The following IMPDH1 variants were observed in gnomAD, a reference collection of about 807,000 sequenced individuals.
IMPDH1 encodes inosine monophosphate dehydrogenase 1.
IMPDH1 carries 41 observed loss-of-function variants against 73.5 expected under a neutral mutation model. The observed-to-expected ratio is 0.56, with a 90% CI of 0.43 to 0.72. IMPDH1 has a LOEUF of 0.72. Ranked by LOEUF, IMPDH1 falls within the 30% of genes least tolerant of loss-of-function variation. IMPDH1 has a pLI of 0.00. For synonymous variants in IMPDH1, 318 were observed against 334.3 expected, an observed-to-expected ratio of 0.95 and a Z score of 0.53; for missense variants, 645 against 824.8, an observed-to-expected ratio of 0.78 and a Z score of 2.67.
At chr7:128,405,039 C>T (rs932527731) in intron 4 of IMPDH1, among the ~76,000 whole-genome samples, 1 of 152,182 alleles carries the variant, frequency 6.6e-6, no homozygotes, top group Non-Finnish European at 1.5e-5. Flanking sequence ...CCCCACTCTG[C>T]CCCTTCTGAT....
chr7:128,396,856 G>C lies in IMPDH1; in HGVS notation c.1165+76C>G, dbSNP rs1423831687. 3 of 1,242,174 alleles carry C rather than the reference G, an allele frequency of 2.4e-6. No individual in the cohort carries two copies. Among genetic ancestry groups the C allele is most frequent in the African/African-American group, 3.0e-5 (2 of 67,522 alleles). 76.9% of individuals were successfully genotyped at this position (1,242,174 alleles called of 1,614,324 possible). On this transcript the variant is annotated intron_variant, in intron 11 of 16. Transcript: ENST00000338791. This position sits in a 1 kb window ranked among gnomAD's most constrained non-coding sequence, Gnocchi z 4.0. The stretch of plus-strand genomic sequence containing the variant: ...ATGCCAGGAGCCATACCATCACCTA[G>C]GGATGCTGAAGGACAGAAAAGGGTT...
rs1439521543 is a variant in IMPDH1 at position 128,396,130 on chromosome 7, T to C, written c.1261+470A>G. 1.3e-5 allele frequency among the ~76,000 whole-genome samples: 2 copies of C among 152,172 alleles called. No individual in the cohort carries two copies. Among genetic ancestry groups the C allele is most frequent in the Non-Finnish European group, 2.9e-5 (2 of 68,018 alleles). ...CCTCAATAACCACATGGGGGACACA[T>C]GCCAGGCTCCCCCCTTCCCACTTCA... On this transcript the variant is annotated intron_variant, in intron 12 of 16. Transcript: ENST00000338791. The surrounding 1 kb of genome is among the most constrained non-coding windows in gnomAD (Gnocchi z 4.0).
At position 128,395,165 on chromosome 7, in the gene IMPDH1, G is replaced by A. The variant is rs1175282643; in HGVS notation, c.1371C>T (p.His457=). The change falls in exon 13 of 17, where the codon CAC becomes CAT. Residue 457 remains histidine, a synonymous_variant. Coordinates refer to ENST00000338791, the MANE Select transcript of IMPDH1 (RefSeq NM_000883.4). ...IADGGIQTVG[H]VVKALALGAS... ...CTCCAAGGGCCAGGGCCTTGACCAC[G>A]TGTCCCACGGTCTGGATGCCGCCAT... The A allele has an allele frequency of 1.4e-5, 22 of 1,613,908 alleles. No homozygotes were observed. Among genetic ancestry groups the A allele is most frequent in the Non-Finnish European group, 1.6e-5 (19 of 1,180,052 alleles).
chr7:128,396,673 C>T lies in IMPDH1; in HGVS notation c.1188G>A (p.Lys396=). The change falls in exon 12 of 17, where the codon AAG becomes AAA. Residue 396 remains lysine, a synonymous_variant. Transcript: ENST00000338791. This position sits in a 1 kb window ranked among gnomAD's most constrained non-coding sequence, Gnocchi z 4.0. ...CGTCCACACCAGCATCAATCAGGTT[C>T]TTGGCCTGGGCTGCTGTCACCACTG... ...GGNVVTAAQA[K]NLIDAGVDGL... 1 of 1,554,200 alleles carries T rather than the reference C, an allele frequency of 6.4e-7. No individual in the cohort carries two copies. Among genetic ancestry groups the T allele is most frequent in the Non-Finnish European group, 8.7e-7 (1 of 1,148,182 alleles).
Position 128,403,892 on chromosome 7 carries a change from C to T in IMPDH1, c.354-138G>A. 4 of 759,580 alleles carry T rather than the reference C, an allele frequency of 5.3e-6. No homozygotes were observed. The Admixed American group carries it at 7.8e-5, about 15-fold the overall frequency. 47.1% of individuals were successfully genotyped at this position (759,580 alleles called of 1,614,324 possible). ...GGCTACAGCCCCCCATCCCTACTGCCCCATCAGGGCAGTTCCCACCTCGTG... is the reference window on the plus strand; with the variant it reads ...GGCTACAGCCCCCCATCCCTACTGCTCCATCAGGGCAGTTCCCACCTCGTG... On this transcript the variant is annotated intron_variant, in intron 4 of 16. Coordinates refer to ENST00000338791, the MANE Select transcript of IMPDH1 (RefSeq NM_000883.4).
intron 10 of IMPDH1, among the ~76,000 whole-genome samples, chr7:128,397,401 G>A (rs1249999486): frequency 6.6e-6 from 1 of 152,174 alleles, no homozygotes; most frequent in Non-Finnish European, 1.5e-5. Flanking sequence ...AAAATGGAAT[G>A]GCGACTGTTC....
At chr7:128,401,554 G>T (rs1798338156) in intron 5 of IMPDH1, among the ~76,000 whole-genome samples, 1 of 152,090 alleles carries the variant, frequency 6.6e-6, no homozygotes, top group Admixed American at 6.5e-5. Context: ...GGAAGGGAGA[G>T]GCAGGAGGAA....
chr7:128,396,983 C>A lies in IMPDH1; in HGVS notation c.1114G>T (p.Val372Leu). The A allele has an allele frequency of 6.2e-7, 1 of 1,614,016 alleles. No individual in the cohort carries two copies. The highest frequency in any genetic ancestry group is 2.2e-5 in the East Asian group (1 of 44,870). ...QGNSVYQIAM[V>L]HYIKQKYPHL... is the part of the protein sequence containing the mutation. ...GGGTACTTCTGTTTGATGTAATGCACCATGGCGATCTGATACACCGAATTC... is the reference window on the plus strand; with the variant it reads ...GGGTACTTCTGTTTGATGTAATGCAACATGGCGATCTGATACACCGAATTC... The change falls in exon 11 of 17, where the codon GTG becomes TTG. Residue 372 changes from valine to leucine, a missense_variant. Physicochemically the swap from Val to Leu is conservative, Grantham distance 32. This residue lies in a region of IMPDH1 where 459 missense variants were observed against 638.2 expected (regional missense o/e 0.72). Coordinates refer to ENST00000338791, the MANE Select transcript of IMPDH1 (RefSeq NM_000883.4). This position sits in a 1 kb window ranked among gnomAD's most constrained non-coding sequence, Gnocchi z 4.0.
rs536027915 is a variant in IMPDH1, at chr7:128,400,650, A to C, written c.580-111T>G. 2.4e-6 allele frequency: 3 copies of C among 1,230,854 alleles called. No homozygotes were observed. In the Admixed American group the frequency reaches 5.4e-5, roughly 22 times the overall value. The allele number at this position is 1,230,854 out of a possible 1,614,324, so 76.2% of individuals were successfully genotyped here. A position where few individuals can be genotyped will look rare whatever the true frequency, so the allele number is the denominator to read the frequency against. ...GTGCTGCAGAGAAGCCAGGACCCTCAGTGGGATGAGGAGCCAGTGGGAAAA... is the reference window on the plus strand; with the variant it reads ...GTGCTGCAGAGAAGCCAGGACCCTCCGTGGGATGAGGAGCCAGTGGGAAAA... On this transcript the variant is annotated intron_variant, in intron 7 of 16. Coordinates refer to ENST00000338791, the MANE Select transcript of IMPDH1 (RefSeq NM_000883.4).
chr7:128,408,670 T>C (rs1798936490), intron 3 of IMPDH1, among the ~76,000 whole-genome samples: 1 of 152,124 alleles, frequency 6.6e-6, no homozygotes, highest in African/African-American at 2.4e-5. Flanking sequence ...CTCTGAAACA[T>C]TATGTTTGCA....
At chr7:128,400,967 G>A (rs777457367) in intron 6 of IMPDH1, 48 bp downstream of exon 6, 2 of 1,596,240 alleles carry the variant, frequency 1.3e-6, no homozygotes, top group Non-Finnish European at 1.7e-6. Flanking sequence ...AGCCCACCAT[G>A]GTCAGTTCCT....
At position 128,396,916 on chromosome 7, in the gene IMPDH1, G is replaced by A. The variant is rs200085694; in HGVS notation, c.1165+16C>T. On this transcript the variant is annotated intron_variant, in intron 11 of 16. Transcript: ENST00000338791. The surrounding 1 kb of genome is among the most constrained non-coding windows in gnomAD (Gnocchi z 4.0). ...AGGGGCAGGAGCAGGCGGGTGGGAG[G>A]CGACCCCGCACTCACCGTTCCCCCC... 6 of 1,594,482 alleles carry A rather than the reference G, an allele frequency of 3.8e-6. No homozygotes were observed. Among genetic ancestry groups the A allele is most frequent in the Non-Finnish European group, 5.2e-6 (6 of 1,162,762 alleles).
intron 3 of IMPDH1, among the ~76,000 whole-genome samples, chr7:128,407,243 G>A (rs1456438310): frequency 6.6e-6 from 1 of 152,214 alleles, no homozygotes; most frequent in African/African-American, 2.4e-5. Flanking sequence ...CTTCTCAGCA[G>A]TGTGATGGCA....
chr7:128,395,363 C>T (rs908216507), intron 12 of IMPDH1, 89 bp from the exon 13 acceptor site: 1 of 1,465,828 alleles, frequency 6.8e-7, no homozygotes, highest in South Asian at 1.1e-5. Context: ...TCCTCCTGTG[C>T]ACTACCTCTA....
At position 128,396,719 on chromosome 7, in the gene IMPDH1, G is replaced by A; in HGVS notation, c.1166-24C>T. On this transcript the variant is annotated intron_variant, in intron 11 of 16. Coordinates refer to ENST00000338791, the MANE Select transcript of IMPDH1 (RefSeq NM_000883.4). The surrounding 1 kb of genome is among the most constrained non-coding windows in gnomAD (Gnocchi z 4.0). ...CACTGGGGGTGGGGATGGGGCAGAG[G>A]AACAATGTGAGGATGGGATGCCCCT... 1 of 1,533,780 alleles carries A rather than the reference G, an allele frequency of 6.5e-7. No homozygotes were observed. The highest frequency in any genetic ancestry group is 2.4e-5 in the East Asian group (1 of 40,828).
chr7:128,409,402 T>A, intron 2 of IMPDH1, 39 bp downstream of exon 2: 3 of 1,614,170 alleles, frequency 1.9e-6, no homozygotes, highest in Non-Finnish European at 2.5e-6. Context: ...CGGACAGGAC[T>A]CCAGCAAGCA....
chr7:128,397,151 GTT>G (rs200212855), intron 10 of IMPDH1, 129 bp from the exon 11 acceptor site: 79,633 of 546,024 alleles, frequency 0.15, 2,126 homozygotes, highest in East Asian at 0.24. Context: ...CCTTCTGGTT[GTT>G]TTTTTTTTTT....
intron 4 of IMPDH1, 76 bp downstream of exon 4, chr7:128,405,691 C>A: frequency 6.7e-7 from 1 of 1,481,506 alleles, no homozygotes; most frequent in Admixed American, 2.2e-5. Flanking sequence ...CCGGGGGAGC[C>A]GCGCACGTGC....
Position 128,392,916 on chromosome 7 carries a change from T to A in IMPDH1, c.*91A>T, listed in dbSNP as rs1323159314. 6 of 1,314,802 alleles carry A rather than the reference T, an allele frequency of 4.6e-6. No homozygotes were observed. Among genetic ancestry groups the A allele is most frequent in the Non-Finnish European group, 6.6e-6 (6 of 908,692 alleles). The allele number at this position is 1,314,802 out of a possible 1,614,324, so 81.4% of individuals were successfully genotyped here. On this transcript the variant is annotated 3_prime_UTR_variant, in exon 17 of 17. Coordinates refer to ENST00000338791, the MANE Select transcript of IMPDH1 (RefSeq NM_000883.4). ...GGAGCTGGAGAACCCGTAGTGCAAA[T>A]CTGTGGACCACTCAGTTATGGAGGG...
Sources: gnomAD v4.1 joint callset for allele counts (sites outside exome capture counted in the v4.1 genomes callset) on GRCh38, gnomAD v4.1.1 for gene constraint, gnomAD v4.1.1 regional missense constraint, Gnocchi (gnomAD v3.1) non-coding constraint, MANE v1.5 for transcripts, NCBI Gene and HGNC (gene_info 2026-07-23, HGNC 2026-07-21) for gene names.